The following LHPP variants were observed in gnomAD, a reference collection of about 807,000 sequenced individuals.
LHPP encodes the protein hLHPP.
LHPP carries 24 observed loss-of-function variants against 30.3 expected under a neutral mutation model. The observed-to-expected ratio is 0.79, with a 90% CI of 0.57 to 1.11. The LOEUF (loss-of-function observed/expected upper bound fraction) is 1.11, where lower values mean the gene tolerates loss of function less well. Ranked by LOEUF, LHPP falls within the 50% of genes most tolerant of loss-of-function variation. LHPP has a pLI of 0.00. For synonymous variants in LHPP, 150 were observed against 157.1 expected (o/e 0.95, Z 0.34); for missense variants, 356 against 367.2 (o/e 0.97, Z 0.25).
At position 124,517,416 on chromosome 10, in the gene LHPP, C is replaced by T; in HGVS notation, c.716+145C>T. ...CATTCACTATCTTGTATGTAATGGACCTCTAAGAACAGGGCTGAGTGGTCT... is the reference window on the plus strand; with the variant it reads ...CATTCACTATCTTGTATGTAATGGATCTCTAAGAACAGGGCTGAGTGGTCT... On this transcript the variant is annotated intron_variant, in intron 6 of 6. Coordinates refer to ENST00000368842, the MANE Select transcript of LHPP (RefSeq NM_022126.4). The surrounding 1 kb of genome is among the most constrained non-coding windows in gnomAD (Gnocchi z 4.1). 1.9e-6 allele frequency: 1 copy of T among 532,938 alleles called. No individual in the cohort carries two copies. Among genetic ancestry groups the T allele is most frequent in the Non-Finnish European group, 3.3e-6 (1 of 307,496 alleles). 33.0% of individuals were successfully genotyped at this position (532,938 alleles called of 1,614,324 possible). A position where few individuals can be genotyped will look rare whatever the true frequency, so the allele number is the denominator to read the frequency against.
chr10:124,554,493 G>T (rs895657651), intron 6 of LHPP, among the ~76,000 whole-genome samples: 1 of 152,266 alleles, frequency 6.6e-6, no homozygotes, highest in African/African-American at 2.4e-5. Context: ...ACTACACCCG[G>T]CCTGGACTCA....
intron 1 of LHPP, among the ~76,000 whole-genome samples, 168 bp downstream of exon 1, chr10:124,462,155 C>T (rs1365067222): frequency 6.6e-6 from 1 of 152,166 alleles, no homozygotes; most frequent in Non-Finnish European, 1.5e-5. Flanking sequence ...CGGACGACCC[C>T]ACTGTTGCCC....
intron 4 of LHPP, 76 bp downstream of exon 4, chr10:124,497,100 G>A: frequency 8.5e-7 from 1 of 1,176,864 alleles, no homozygotes; most frequent in Non-Finnish European, 1.3e-6. Context: ...TTGTTGAGAA[G>A]AGGCTGTGCT....
intron 2 of LHPP, among the ~76,000 whole-genome samples, chr10:124,485,074 T>C (rs1056847473): frequency 6.6e-6 from 1 of 152,122 alleles, no homozygotes; most frequent in Admixed American, 6.6e-5. Context: ...ACATGGTTTT[T>C]TCCTTTCCAG....
At chr10:124,518,802 G>A (rs952453345) in intron 6 of LHPP, among the ~76,000 whole-genome samples, 9 of 152,218 alleles carry the variant, frequency 5.9e-5, no homozygotes, top group South Asian at 2.1e-4. Flanking sequence ...AGGTGGGCAC[G>A]AGGGAGGCTG....
chr10:124,578,017 C>T (rs1589688049), intron 6 of LHPP, among the ~76,000 whole-genome samples: 1 of 152,194 alleles, frequency 6.6e-6, no homozygotes, highest in Non-Finnish European at 1.5e-5. Context: ...ACCTCTTCCT[C>T]TATGCCAGGT....
chr10:124,599,552 G>T (rs961698991), intron 6 of LHPP, among the ~76,000 whole-genome samples: 8 of 152,232 alleles, frequency 5.3e-5, no homozygotes, highest in Admixed American at 2.0e-4. Context: ...CCAGGCAGCT[G>T]CCAGCCCTCC....
chr10:124,585,622 A>G (rs905929211), intron 6 of LHPP, among the ~76,000 whole-genome samples: 1 of 151,964 alleles, frequency 6.6e-6, no homozygotes, highest in Non-Finnish European at 1.5e-5. Flanking sequence ...CTCTAAAAAA[A>G]AAAAAGAAAA....
At chr10:124,492,051 C>T (rs1201492364) in intron 3 of LHPP, among the ~76,000 whole-genome samples, 8 of 152,228 alleles carry the variant, frequency 5.3e-5, no homozygotes, top group Non-Finnish European at 7.3e-5. Flanking sequence ...CGGAGCCTCA[C>T]ATTCCTGCAC....
intron 6 of LHPP, among the ~76,000 whole-genome samples, chr10:124,533,759 G>C (rs956924548): frequency 2.0e-5 from 3 of 152,244 alleles, no homozygotes; most frequent in Non-Finnish European, 4.4e-5. Context: ...TCCGCAGTGT[G>C]CAGGGTGATG....
intron 1 of LHPP, among the ~76,000 whole-genome samples, chr10:124,475,030 C>CTCTTTTTTTTTTTTTTT (rs1952898439): frequency 1.0e-5 from 1 of 98,656 alleles, no homozygotes; most frequent in African/African-American, 3.9e-5. Flanking sequence ...CTTCTCATGT[C>CTCTTTTTTTTTTTTTTT]TTTTTTTTTT....
Position 124,541,743 on chromosome 10 carries a change from G to A in LHPP, c.716+24472G>A, listed in dbSNP as rs1486002892. 6.6e-6 allele frequency among the ~76,000 whole-genome samples: 1 copy of A among 152,156 alleles called. No individual in the cohort carries two copies. Among genetic ancestry groups the A allele is most frequent in the African/African-American group, 2.4e-5 (1 of 41,452 alleles). The stretch of plus-strand genomic sequence containing the variant: ...AAGCTACGAGGGCTTCTTAGAACAC[G>A]CTGGACACTGGGGAGGGCTCTAATG... On this transcript the variant is annotated intron_variant, in intron 6 of 6. Coordinates refer to ENST00000368842, the MANE Select transcript of LHPP (RefSeq NM_022126.4). The surrounding 1 kb of genome is among the most constrained non-coding windows in gnomAD (Gnocchi z 4.2).
intron 1 of LHPP, among the ~76,000 whole-genome samples, chr10:124,474,001 GTTTTC>G (rs919215169): frequency 6.6e-6 from 1 of 151,572 alleles, no homozygotes; most frequent in Non-Finnish European, 1.5e-5. Flanking sequence ...TTAAGTTTTT[GTTTTC>G]TTTTCCTTTT....
intron 5 of LHPP, among the ~76,000 whole-genome samples, chr10:124,506,694 T>TG (rs1564796543): frequency 2.9e-3 from 180 of 62,132 alleles, no homozygotes; most frequent in Non-Finnish European, 4.2e-3. Flanking sequence ...AGATTTCAGG[T>TG]TGGCGGGTAG....
At chr10:124,506,273 C>G (rs1869661) in intron 5 of LHPP, among the ~76,000 whole-genome samples, 6 of 125,078 alleles carry the variant, frequency 4.8e-5, no homozygotes, top group South Asian at 6.4e-4. Context: ...ACCCCCCCCC[C>G]ACCCCGCGGT....
At chr10:124,516,798 A>G (rs1954466185) in intron 5 of LHPP, among the ~76,000 whole-genome samples, 1 of 152,168 alleles carries the variant, frequency 6.6e-6, no homozygotes, top group Non-Finnish European at 1.5e-5. Context: ...GATTTGCTTC[A>G]CTTTCATGGA....
intron 6 of LHPP, among the ~76,000 whole-genome samples, chr10:124,601,286 A>G (rs890981826): frequency 6.6e-6 from 1 of 152,216 alleles, no homozygotes; most frequent in Non-Finnish European, 1.5e-5. Context: ...GCTGCAGCGC[A>G]GTGCTGCCCA....
intron 6 of LHPP, among the ~76,000 whole-genome samples, chr10:124,525,318 G>A (rs1368523715): frequency 6.6e-6 from 1 of 152,220 alleles, no homozygotes; most frequent in Non-Finnish European, 1.5e-5. Flanking sequence ...ACACATGGGC[G>A]TGAGTCCTTC....
At chr10:124,570,429 G>A (rs1948565629) in intron 6 of LHPP, among the ~76,000 whole-genome samples, 1 of 152,248 alleles carries the variant, frequency 6.6e-6, no homozygotes, top group Non-Finnish European at 1.5e-5. Context: ...CAAATCAGAG[G>A]TGTGACCCTA....
Sources: gnomAD v4.1 joint callset for allele counts (sites outside exome capture counted in the v4.1 genomes callset) on GRCh38, gnomAD v4.1.1 for gene constraint, Gnocchi (gnomAD v3.1) non-coding constraint, MANE v1.5 for transcripts, NCBI Gene and HGNC (gene_info 2026-07-23, HGNC 2026-07-21) for gene names.